NEBL: variants seen among roughly 807,000 people sequenced by gnomAD.
The protein encoded by NEBL is LIM and SH3 protein 2.
Under a neutral mutation model 140.2 loss-of-function variants are expected in NEBL, and 122 were observed. That is an observed-to-expected ratio of 0.87 (90% CI 0.75 to 1.01). The LOEUF is 1.01. Among genes scored for constraint, NEBL ranks in the 50% least tolerant of loss-of-function variants. NEBL has a pLI of 0.00. For synonymous variants in NEBL, 436 were observed against 398.9 expected, an observed-to-expected ratio of 1.09 and a Z score of -1.11; for missense variants, 1,365 against 1,231.3, an observed-to-expected ratio of 1.11 and a Z score of -1.62.
intron 20 of NEBL, 162 bp downstream of exon 20, chr10:20,819,262 A>G (rs1383870214): frequency 3.3e-6 from 4 of 1,195,294 alleles, no homozygotes; most frequent in Admixed American, 4.1e-5. Flanking sequence ...ATTCCCCTCT[A>G]TGTGTCCATG....
chr10:21,210,967 C>A (rs1841906207), intron 3 of NEBL, among the ~76,000 whole-genome samples: 1 of 152,176 alleles, frequency 6.6e-6, no homozygotes, highest in Non-Finnish European at 1.5e-5. Flanking sequence ...TGCATGCCCT[C>A]TAGGTTCTTT....
intron 3 of NEBL, among the ~76,000 whole-genome samples, chr10:21,245,705 G>C (rs895983284): frequency 1.1e-4 from 16 of 151,946 alleles, no homozygotes; most frequent in African/African-American, 3.9e-4. Flanking sequence ...CTAATTTTTT[G>C]TATTAGCTGG....
intron 19 of NEBL, among the ~76,000 whole-genome samples, chr10:20,820,661 A>G (rs1281055077): frequency 6.6e-6 from 1 of 152,070 alleles, no homozygotes; most frequent in African/African-American, 2.4e-5. Context: ...CCTCATCTCT[A>G]CTAAATATAC....
chr10:21,023,564 G>T (rs973981537), intron 2 of NEBL, among the ~76,000 whole-genome samples: 3 of 151,972 alleles, frequency 2.0e-5, no homozygotes, highest in African/African-American at 4.8e-5. Context: ...GCATGGTGGC[G>T]CACACCTGTA....
intron 4 of NEBL, among the ~76,000 whole-genome samples, chr10:20,906,940 A>G (rs1398239353): frequency 1.3e-5 from 2 of 152,082 alleles, no homozygotes; most frequent in Non-Finnish European, 2.9e-5. Flanking sequence ...GAGACATGTT[A>G]TATTTTTTCC....
chr10:21,189,668 T>C lies in NEBL; in HGVS notation n.349-17191A>G, dbSNP rs747696854. Among the ~76,000 whole-genome samples the C allele has an allele frequency of 8.6e-5, 13 of 152,006 alleles. 1 individual carries two copies. Among genetic ancestry groups the C allele is most frequent in the Admixed American group, 6.6e-4 (10 of 15,264 alleles). On this transcript the variant is annotated intron_variant and non_coding_transcript_variant, in intron 3 of 8. Coordinates refer to the NEBL transcript ENST00000675702. ...TTTTCAGTAGAGACGGGGGTCTCAC[T>C]GTGTTAGCCAGGATGGTCTTGATCT...
intron 3 of NEBL, among the ~76,000 whole-genome samples, chr10:21,202,347 T>A (rs1841750519): frequency 6.6e-6 from 1 of 152,102 alleles, no homozygotes; most frequent in Admixed American, 6.5e-5. Context: ...CCTGTTACAT[T>A]CTCTGTGCCC....
chr10:21,003,821 G>A (rs983324555), intron 3 of NEBL, among the ~76,000 whole-genome samples: 1 of 152,132 alleles, frequency 6.6e-6, no homozygotes, highest in South Asian at 2.1e-4. Context: ...ATTATTTTAA[G>A]ATTTTATGAA....
chr10:20,826,336 A>T, intron 18 of NEBL, 111 bp downstream of exon 18: 1 of 845,622 alleles, frequency 1.2e-6, no homozygotes, highest in Non-Finnish European at 2.0e-6. Flanking sequence ...GCATTTCAAT[A>T]AAGTGAAGAA....
At chr10:20,859,205 T>C (rs1481350700) in intron 8 of NEBL, among the ~76,000 whole-genome samples, 1 of 152,116 alleles carries the variant, frequency 6.6e-6, no homozygotes, top group African/African-American at 2.4e-5. Flanking sequence ...AAATGAATTT[T>C]GATGATTTTT....
At chr10:21,290,476 T>C (rs1189181059) in intron 1 of NEBL, among the ~76,000 whole-genome samples, 1 of 152,148 alleles carries the variant, frequency 6.6e-6, no homozygotes, top group Non-Finnish European at 1.5e-5. Flanking sequence ...GGAAAACTTC[T>C]TCCAAAAAAA....
At chr10:21,233,993 A>C (rs1316586940) in intron 3 of NEBL, among the ~76,000 whole-genome samples, 2 of 139,372 alleles carry the variant, frequency 1.4e-5, no homozygotes, top group Non-Finnish European at 3.1e-5. Flanking sequence ...TAAGTAGTAT[A>C]ATTTAGGAGA....
chr10:20,791,700 A>G (rs1201193003), intron 26 of NEBL, among the ~76,000 whole-genome samples: 1 of 152,176 alleles, frequency 6.6e-6, no homozygotes, highest in Non-Finnish European at 1.5e-5. Context: ...TGCTAAGAAC[A>G]TGTTAAGAGG....
chr10:20,914,166 C>A (rs1030692674), intron 4 of NEBL, among the ~76,000 whole-genome samples: 1 of 152,142 alleles, frequency 6.6e-6, no homozygotes, highest in Non-Finnish European at 1.5e-5. Context: ...ATGTGTTTTG[C>A]GCGTTTGAAC....
At chr10:21,242,783 G>T (rs1298674811) in intron 3 of NEBL, among the ~76,000 whole-genome samples, 1 of 152,110 alleles carries the variant, frequency 6.6e-6, no homozygotes, top group African/African-American at 2.4e-5. Context: ...TGTTTTTCAA[G>T]CTAGGACTGG....
rs1031724151 is a variant in NEBL, at chr10:21,243,628, G to A, written n.348+4293C>T. On this transcript the variant is annotated intron_variant and non_coding_transcript_variant, in intron 3 of 8. Coordinates refer to the NEBL transcript ENST00000675702. ...CTCGTTATGACACACCAGGAATCAT[G>A]CCAGTCATTTCACAAGCATTATTTC... Among the ~76,000 whole-genome samples, 3 of 152,148 alleles carry A rather than the reference G, an allele frequency of 2.0e-5. No individual in the cohort carries two copies. In the South Asian group the frequency reaches 6.2e-4, roughly 32 times the overall value.
chr10:20,879,575 C>G (rs1220493025), intron 5 of NEBL, among the ~76,000 whole-genome samples: 1 of 152,110 alleles, frequency 6.6e-6, no homozygotes, highest in South Asian at 2.1e-4. Context: ...TAACAGTTGC[C>G]GTTCTGCGGA....
At chr10:21,230,266 C>A (rs891677996) in intron 3 of NEBL, among the ~76,000 whole-genome samples, 2 of 152,078 alleles carry the variant, frequency 1.3e-5, no homozygotes, top group African/African-American at 4.8e-5. Context: ...TTCACTATGA[C>A]CTATGGCAAC....
intron 4 of NEBL, among the ~76,000 whole-genome samples, chr10:20,914,608 A>G (rs1043879329): frequency 6.6e-6 from 1 of 152,098 alleles, no homozygotes; most frequent in Non-Finnish European, 1.5e-5. Flanking sequence ...GGTAGTTTAT[A>G]TATTTCTTTT....
Sources: gnomAD v4.1 joint callset for allele counts (sites outside exome capture counted in the v4.1 genomes callset) on GRCh38, gnomAD v4.1.1 for gene constraint, MANE v1.5 for transcripts, NCBI Gene and HGNC (gene_info 2026-07-23, HGNC 2026-07-21) for gene names.